Variants in LYRM1 observed in about 807,000 individuals in gnomAD.
LYRM1 encodes LYR motif containing 1, also known as LYR motif-containing protein 1.
In LYRM1, 14 loss-of-function variants were observed where a neutral mutation model predicts 14.9. The observed-to-expected ratio is 0.94, with a 90% CI of 0.62 to 1.47. LYRM1 has a LOEUF of 1.47. Among genes scored for constraint, LYRM1 ranks in the 40% most tolerant of loss-of-function variants. The pLI is 0.00. For synonymous variants in LYRM1, 43 were observed against 56.2 expected (o/e 0.77, Z 1.05); for missense variants, 153 against 149.9 (o/e 1.02, Z -0.11).
chr16:20,923,735 C>G (rs1451745081), intron 3 of LYRM1, among the ~76,000 whole-genome samples: 1 of 152,164 alleles, frequency 6.6e-6, no homozygotes, highest in Non-Finnish European at 1.5e-5. Flanking sequence ...TCTGACAGAT[C>G]TGGGTTCAAA....
chr16:20,904,174 A>G (rs2082202152), intron 1 of LYRM1, among the ~76,000 whole-genome samples: 1 of 152,220 alleles, frequency 6.6e-6, no homozygotes, highest in Non-Finnish European at 1.5e-5. Context: ...TGAGGGGCCC[A>G]TAACTTTTCA....
chr16:20,909,924 T>G (rs1236844433), intron 1 of LYRM1, among the ~76,000 whole-genome samples: 2 of 152,190 alleles, frequency 1.3e-5, no homozygotes, highest in African/African-American at 4.8e-5. Flanking sequence ...AATGAGAGTT[T>G]ACTGGGGGAA....
chr16:20,924,687 A>G lies in LYRM1; in HGVS notation c.*571A>G, dbSNP rs1275272780. 2.0e-5 allele frequency: 3 copies of G among 152,420 alleles called. No individual in the cohort carries two copies. Among genetic ancestry groups the G allele is most frequent in the African/African-American group, 7.2e-5 (3 of 41,464 alleles). The allele number at this position is 152,420 out of a possible 1,614,324, so 9.4% of individuals were successfully genotyped here. On this transcript the variant is annotated 3_prime_UTR_variant, in exon 4 of 4. Transcript: ENST00000567954. Reference sequence around the variant, plus strand: ...TTTATGAGATTTCTGCCTTAACAAAATGCATATATTCCTTATCTTAAAGCC... The same window carrying G: ...TTTATGAGATTTCTGCCTTAACAAAGTGCATATATTCCTTATCTTAAAGCC...
intron 1 of LYRM1, among the ~76,000 whole-genome samples, chr16:20,908,104 G>A (rs1189066704): frequency 3.9e-5 from 6 of 152,308 alleles, no homozygotes; most frequent in Non-Finnish European, 7.3e-5. Context: ...TGGCTTTTAT[G>A]TTGGCTCCAT....
rs537502252 is a variant in LYRM1, at chr16:20,914,545, A to G, written c.1-1011A>G. ...TTGAACTCCCGAGGTCAAGCAATCC[A>G]CTTGCCTCAGCCTCCCAGAGTGCTA... is the stretch of plus-strand genomic sequence containing the variant. On this transcript the variant is annotated intron_variant, in intron 1 of 3. Coordinates refer to ENST00000567954, the MANE Select transcript of LYRM1 (RefSeq NM_001128302.3). Among the ~76,000 whole-genome samples, 4 of 149,922 alleles carry G rather than the reference A, an allele frequency of 2.7e-5. No homozygotes were observed. The South Asian group carries it at 8.4e-4, about 32-fold the overall frequency.
intron 1 of LYRM1, among the ~76,000 whole-genome samples, chr16:20,904,258 T>C (rs926412365): frequency 2.0e-5 from 3 of 152,228 alleles, no homozygotes; most frequent in Non-Finnish European, 4.4e-5. Context: ...AGTAGCCTGA[T>C]TGGAGTTCCC....
At chr16:20,906,927 T>G (rs2082350168) in intron 1 of LYRM1, among the ~76,000 whole-genome samples, 1 of 152,130 alleles carries the variant, frequency 6.6e-6, no homozygotes, top group African/African-American at 2.4e-5. Context: ...GGACAGTGAG[T>G]GGCAGAGTGG....
At chr16:20,915,742 CA>C in intron 2 of LYRM1, 28 bp downstream of exon 2, 1 of 1,608,072 alleles carries the variant, frequency 6.2e-7, no homozygotes, top group South Asian at 1.1e-5. Context: ...GGAGATTGTG[CA>C]GAGGAGAGTT....
At chr16:20,920,294 G>C (rs767892733) in intron 3 of LYRM1, 80 bp downstream of exon 3, 1 of 1,061,440 alleles carries the variant, frequency 9.4e-7, no homozygotes. Flanking sequence ...TAACAAGAGG[G>C]CGAGTGCTTG....
At chr16:20,911,919 T>C (rs1334821168) in intron 1 of LYRM1, among the ~76,000 whole-genome samples, 1 of 151,688 alleles carries the variant, frequency 6.6e-6, no homozygotes, top group Non-Finnish European at 1.5e-5. Flanking sequence ...AATAAGTTGT[T>C]GGGGTTTGCT....
chr16:20,907,900 A>G lies in LYRM1; in HGVS notation c.-1+7011A>G, dbSNP rs568402234. Among the ~76,000 whole-genome samples, 6 of 152,242 alleles carry G rather than the reference A, an allele frequency of 3.9e-5. No individual in the cohort carries two copies. The East Asian group carries it at 7.8e-4, about 20-fold the overall frequency. On this transcript the variant is annotated intron_variant, in intron 1 of 3. Transcript: ENST00000567954. ...TCTTGTTCTTGTACATCATCTGCCT[A>G]TGCCACTAGAATATAAGCTCAAGGA... is the stretch of plus-strand genomic sequence containing the variant.
At chr16:20,923,113 C>G (rs949151101) in intron 3 of LYRM1, among the ~76,000 whole-genome samples, 2 of 152,154 alleles carry the variant, frequency 1.3e-5, no homozygotes, top group Non-Finnish European at 2.9e-5. Flanking sequence ...TCCACTGATT[C>G]AAATGCTAAT....
chr16:20,917,402 TAC>T (rs2082959696), intron 2 of LYRM1, among the ~76,000 whole-genome samples: 1 of 151,868 alleles, frequency 6.6e-6, no homozygotes, highest in Admixed American at 6.6e-5. Context: ...TATAAATTAA[TAC>T]ATTTATAAAT....
chr16:20,915,372 A>T (rs552802519), intron 1 of LYRM1, among the ~76,000 whole-genome samples, 184 bp from the exon 2 acceptor site: 24 of 150,704 alleles, frequency 1.6e-4, no homozygotes, highest in African/African-American at 5.8e-4. Context: ...AGGCAGGAGA[A>T]TGGCGTGAAC....
At position 20,904,248 on chromosome 16, in the gene LYRM1, A is replaced by G. The variant is rs116749255; in HGVS notation, c.-1+3359A>G. ...ATCTATTGGTTGTTATCTTGGTTACAGTAGCCTGATTGGAGTTCCCCTGTA... is the reference window on the plus strand; with the variant it reads ...ATCTATTGGTTGTTATCTTGGTTACGGTAGCCTGATTGGAGTTCCCCTGTA... On this transcript the variant is annotated intron_variant, in intron 1 of 3. Coordinates refer to ENST00000567954, the MANE Select transcript of LYRM1 (RefSeq NM_001128302.3). 8.8e-3 allele frequency among the ~76,000 whole-genome samples: 1,346 copies of G among 152,332 alleles called. 18 individuals are homozygous for G. Among genetic ancestry groups the G allele is most frequent in the African/African-American group, 0.029 (1,212 of 41,562 alleles).
At chr16:20,910,604 A>G (rs1310517235) in intron 1 of LYRM1, among the ~76,000 whole-genome samples, 3 of 152,160 alleles carry the variant, frequency 2.0e-5, no homozygotes, top group African/African-American at 4.8e-5. Flanking sequence ...AATTAAAGTT[A>G]GATTTTTAGA....
In LYRM1 at chr16:20,915,553, A is replaced by C; in HGVS notation, c.1-3A>C. The C allele has an allele frequency of 6.2e-7, 1 of 1,613,740 alleles. No individual in the cohort carries two copies. Among genetic ancestry groups the C allele is most frequent in the Non-Finnish European group, 8.5e-7 (1 of 1,179,860 alleles). On this transcript the variant is annotated splice_polypyrimidine_tract_variant and splice_region_variant and intron_variant, in intron 1 of 3. Transcript: ENST00000567954. ...TCCCTCTTCTATTTTGGTGGGTCTGAAGATGACAACGGCAACACGACAAGA... is the reference window on the plus strand; with the variant it reads ...TCCCTCTTCTATTTTGGTGGGTCTGCAGATGACAACGGCAACACGACAAGA...
At chr16:20,913,075 T>A (rs1179980688) in intron 1 of LYRM1, among the ~76,000 whole-genome samples, 1 of 145,928 alleles carries the variant, frequency 6.9e-6, no homozygotes, top group East Asian at 2.0e-4. Flanking sequence ...TCAAAAATAA[T>A]AATAATAATA....
chr16:20,918,752 T>C (rs1225658996), intron 2 of LYRM1, among the ~76,000 whole-genome samples: 1 of 152,204 alleles, frequency 6.6e-6, no homozygotes, highest in Non-Finnish European at 1.5e-5. Flanking sequence ...AGGTATCCCA[T>C]GAACTGCTCT....
Sources: allele counts gnomAD v4.1 joint callset (sites outside exome capture counted in the v4.1 genomes callset), GRCh38; gene constraint gnomAD v4.1.1; transcripts MANE v1.5; gene names NCBI Gene and HGNC (gene_info 2026-07-23, HGNC 2026-07-21).